EVC2: variants seen among roughly 807,000 people sequenced by gnomAD.
The protein encoded by EVC2 is EvC ciliary complex subunit 2.
EVC2 carries 148 observed loss-of-function variants against 149.3 expected under a neutral mutation model. The ratio of observed to expected loss-of-function variants is 0.99; its 90% CI spans 0.87 to 1.14. The LOEUF (loss-of-function observed/expected upper bound fraction) is 1.14. EVC2 is among the 50% of genes most tolerant of loss of function. The pLI is 0.00. For missense variants in EVC2, 1,854 were observed against 1,627.3 expected (o/e 1.14, Z -2.40); for synonymous variants, 776 against 649.9 (o/e 1.19, Z -2.95).
rs112863054 is a variant in EVC2, at chr4:5,615,610, G to C, written c.2707-66C>G. Reference sequence around the variant, plus strand: ...ACCAGCAAGTCCATGCAGCTCCCCCGAGGGCTTTGCAGGTCAAGAGAAGTT... The same window carrying C: ...ACCAGCAAGTCCATGCAGCTCCCCCCAGGGCTTTGCAGGTCAAGAGAAGTT... On this transcript the variant is annotated intron_variant, in intron 15 of 21. Transcript: ENST00000344408. The C allele has an allele frequency of 5.0e-6, 8 of 1,611,856 alleles. No homozygotes were observed. The Admixed American group carries it at 5.0e-5, about 10-fold the overall frequency.
At chr4:5,531,614 G>A in the EVC2 span, among the ~76,000 whole-genome samples, 2 of 152,070 alleles carry the variant, frequency 1.3e-5, no homozygotes, top group Non-Finnish European at 2.9e-5. Context: ...ACCCTACTGT[G>A]AACTGCACAT....
the EVC2 span, among the ~76,000 whole-genome samples, chr4:5,533,573 G>A: frequency 6.6e-6 from 1 of 152,230 alleles, no homozygotes; most frequent in South Asian, 2.1e-4. Flanking sequence ...AAGGACTGGA[G>A]AGATTAAGAT....
intron 21 of EVC2, among the ~76,000 whole-genome samples, chr4:5,549,507 T>G (rs1314761508): frequency 3.9e-5 from 6 of 152,184 alleles, no homozygotes; most frequent in Admixed American, 2.0e-4. Context: ...ATTTACCCAT[T>G]TTCCAGCTGA....
chr4:5,588,449 A>C (rs752649974), intron 16 of EVC2, among the ~76,000 whole-genome samples: 15 of 152,172 alleles, frequency 9.9e-5, no homozygotes, highest in Admixed American at 2.0e-4. Context: ...CAAATTAGGC[A>C]AAATTTTAGC....
At chr4:5,669,559 G>A (rs530361280) in intron 7 of EVC2, among the ~76,000 whole-genome samples, 1 of 152,228 alleles carries the variant, frequency 6.6e-6, no homozygotes, top group East Asian at 1.9e-4. Flanking sequence ...CATTACATAT[G>A]GGCAGCATCA....
At position 5,593,718 on chromosome 4, in the gene EVC2, G is replaced by A. The variant is rs116355242; in HGVS notation, c.2830-8868C>T. Among the ~76,000 whole-genome samples, 594 of 152,258 alleles carry A rather than the reference G, an allele frequency of 3.9e-3. 4 individuals carry two copies. The highest frequency in any genetic ancestry group is 0.013 in the African/African-American group (542 of 41,556). On this transcript the variant is annotated intron_variant, in intron 16 of 21. Coordinates refer to ENST00000344408, the MANE Select transcript of EVC2 (RefSeq NM_147127.5). The stretch of plus-strand genomic sequence containing the variant: ...CACTAGGGAGTGCCAGACACTGGGC[G>A]CAGGACAGTGGGTACAGTGCACCGT...
chr4:5,558,363 T>C (rs539413951), downstream of EVC2, among the ~76,000 whole-genome samples: 1 of 152,182 alleles, frequency 6.6e-6, no homozygotes, highest in Non-Finnish European at 1.5e-5. Context: ...GGGGTCCAGG[T>C]GGAGGAGGTA....
At chr4:5,669,799 C>A (rs570471192) in intron 7 of EVC2, among the ~76,000 whole-genome samples, 2 of 152,280 alleles carry the variant, frequency 1.3e-5, no homozygotes, top group East Asian at 1.9e-4. Context: ...GTACTGTGGG[C>A]AGTTTAGTGG....
intron 2 of EVC2, among the ~76,000 whole-genome samples, chr4:5,695,867 C>T (rs1297130826): frequency 1.3e-5 from 2 of 152,024 alleles, no homozygotes; most frequent in African/African-American, 2.4e-5. Context: ...AAAATATATG[C>T]AGGAAAAAAA....
At chr4:5,565,009 C>T (rs890231818) in intron 21 of EVC2, among the ~76,000 whole-genome samples, 5 of 152,200 alleles carry the variant, frequency 3.3e-5, no homozygotes, top group Admixed American at 6.5e-5. Flanking sequence ...TAAAAATAGC[C>T]ATTAGCTAAA....
intron 17 of EVC2, among the ~76,000 whole-genome samples, chr4:5,577,495 T>C (rs995362797): frequency 6.6e-6 from 1 of 152,158 alleles, no homozygotes; most frequent in Non-Finnish European, 1.5e-5. Flanking sequence ...CTAAGAGGCC[T>C]TGGTTGGACT....
At chr4:5,692,422 G>A (rs1047302705) in intron 3 of EVC2, among the ~76,000 whole-genome samples, 1 of 152,124 alleles carries the variant, frequency 6.6e-6, no homozygotes, top group African/African-American at 2.4e-5. Flanking sequence ...TTATAGATGA[G>A]GAAACTAAGA....
At chr4:5,592,369 C>T (rs1049021564) in intron 16 of EVC2, among the ~76,000 whole-genome samples, 4 of 152,138 alleles carry the variant, frequency 2.6e-5, no homozygotes, top group Admixed American at 2.0e-4. Context: ...GAGAATCTAG[C>T]GGTGCCACTA....
At chr4:5,650,653 A>AGAGAGAGAGT (rs1718065048) in intron 9 of EVC2, among the ~76,000 whole-genome samples, 1 of 140,614 alleles carries the variant, frequency 7.1e-6, no homozygotes, top group African/African-American at 2.6e-5. Context: ...AGAGAGAGAG[A>AGAGAGAGAGT]GAGAGAGAGA....
In EVC2 at chr4:5,631,959, G is replaced by GCACC. The variant is rs1197916376; in HGVS notation, c.1543_1544insGGTG (p.Ala515GlyfsTer23). 6.2e-7 allele frequency: 1 copy of GCACC among 1,614,204 alleles called. No homozygotes were observed. The highest frequency in any genetic ancestry group is 8.5e-7 in the Non-Finnish European group (1 of 1,180,050). ...GGCAAAGTCTTCTTCTTGTTGCAAA[G>GCACC]CGAGAGACTTCCTCAAGTGCTCCTG... On this transcript the variant is annotated frameshift_variant, in exon 11 of 22. Transcript: ENST00000344408. LOFTEE classifies it high-confidence loss of function.
At chr4:5,634,358 G>C (rs73198182) in intron 10 of EVC2, among the ~76,000 whole-genome samples, 3 of 152,168 alleles carry the variant, frequency 2.0e-5, no homozygotes, top group Non-Finnish European at 4.4e-5. Context: ...ATTCCGCTAC[G>C]AATGACTAGC....
intron 16 of EVC2, among the ~76,000 whole-genome samples, chr4:5,600,885 G>A (rs1304340414): frequency 6.6e-6 from 1 of 152,178 alleles, no homozygotes; most frequent in Non-Finnish European, 1.5e-5. Context: ...TTTAGTCTCA[G>A]GAAAAGTCTC....
chr4:5,680,391 T>C (rs571566482), intron 7 of EVC2, among the ~76,000 whole-genome samples: 2 of 152,218 alleles, frequency 1.3e-5, no homozygotes, highest in South Asian at 2.1e-4. Context: ...AAACGCACCA[T>C]GCTACGATGG....
In EVC2 at chr4:5,686,631, G is replaced by A. The variant is rs1283683757; in HGVS notation, c.707-1152C>T. On this transcript the variant is annotated intron_variant, in intron 5 of 21. Coordinates refer to ENST00000344408, the MANE Select transcript of EVC2 (RefSeq NM_147127.5). The surrounding 1 kb of genome is among the most constrained non-coding windows in gnomAD (Gnocchi z 5.4). ...TTAGGATCACCCCGCTGATGGACAG[G>A]GAGCCACCTGACCCTCTGGGTCCCA... 6.6e-6 allele frequency among the ~76,000 whole-genome samples: 1 copy of A among 152,150 alleles called. No individual in the cohort carries two copies. Among genetic ancestry groups the A allele is most frequent in the Non-Finnish European group, 1.5e-5 (1 of 68,022 alleles).
Sources: gnomAD v4.1 joint callset for allele counts (sites outside exome capture counted in the v4.1 genomes callset) on GRCh38, gnomAD v4.1.1 for gene constraint, Gnocchi (gnomAD v3.1) non-coding constraint, MANE v1.5 for transcripts, NCBI Gene and HGNC (gene_info 2026-07-23, HGNC 2026-07-21) for gene names.